Variants in FBXL20 observed in about 807,000 individuals in gnomAD.
The protein encoded by FBXL20 is F-box/LRR-repeat protein 20.
FBXL20 carries 11 observed loss-of-function variants against 64.0 expected under a neutral mutation model. That is an observed-to-expected ratio of 0.17 (90% CI 0.11 to 0.28). The LOEUF is 0.28. Among genes scored for constraint, FBXL20 ranks in the 10% least tolerant of loss-of-function variants. FBXL20 has a pLI of 1.00. For missense variants in FBXL20, 303 were observed against 526.2 expected (o/e 0.58, Z 4.15); for synonymous variants, 184 against 189.0 (o/e 0.97, Z 0.22).
At chr17:39,313,794 C>T (rs1234154908) in intron 2 of FBXL20, among the ~76,000 whole-genome samples, 2 of 152,090 alleles carry the variant, frequency 1.3e-5, no homozygotes, top group African/African-American at 2.4e-5. Flanking sequence ...CGCCACCATA[C>T]CCAGCTAATT....
At chr17:39,327,754 G>A (rs986698830) in intron 2 of FBXL20, among the ~76,000 whole-genome samples, 3 of 151,990 alleles carry the variant, frequency 2.0e-5, no homozygotes, top group Non-Finnish European at 2.9e-5. Flanking sequence ...AGGCTGTAGT[G>A]CAGTGGCACA....
At chr17:39,271,785 C>T (rs1348846263) in intron 10 of FBXL20, among the ~76,000 whole-genome samples, 3 of 152,064 alleles carry the variant, frequency 2.0e-5, no homozygotes, top group African/African-American at 4.8e-5. Flanking sequence ...AAACTCCAAT[C>T]TAAATACCAA....
chr17:39,333,199 G>A (rs142137266), intron 2 of FBXL20, among the ~76,000 whole-genome samples: 5,509 of 152,160 alleles, frequency 0.036, 146 homozygotes, highest in Non-Finnish European at 0.058. Context: ...ATGCCCAGCC[G>A]AGGCTGGACT....
chr17:39,356,346 A>G (rs1231171504), intron 1 of FBXL20, among the ~76,000 whole-genome samples: 2 of 151,996 alleles, frequency 1.3e-5, no homozygotes, highest in African/African-American at 2.4e-5. Context: ...CAGATATACA[A>G]TTGTTTCACC....
intron 1 of FBXL20, among the ~76,000 whole-genome samples, chr17:39,386,175 T>C (rs1049561098): frequency 6.7e-6 from 1 of 148,368 alleles, no homozygotes; most frequent in Non-Finnish European, 1.5e-5. Context: ...AACCCGGTGG[T>C]ACGTGCCTGT....
At chr17:39,296,232 C>T (rs989661327) in intron 6 of FBXL20, among the ~76,000 whole-genome samples, 1 of 152,042 alleles carries the variant, frequency 6.6e-6, no homozygotes, top group Non-Finnish European at 1.5e-5. Context: ...TTTCATCTCT[C>T]ACAGTAAACG....
rs573891977 is a variant in FBXL20 at position 39,329,915 on chromosome 17, G to A, written c.104+13265C>T. ...AGGCTGGAATGGGAGAATTGCTTGA[G>A]TCCAGGAGTTTGAGGCTGCAGCAAA... On this transcript the variant is annotated intron_variant, in intron 2 of 14. Transcript: ENST00000264658. 3.9e-5 allele frequency among the ~76,000 whole-genome samples: 6 copies of A among 152,226 alleles called. No homozygotes were observed. The East Asian group carries it at 1.2e-3, about 29-fold the overall frequency.
chr17:39,333,674 G>A (rs569762290), intron 2 of FBXL20, among the ~76,000 whole-genome samples: 25 of 151,530 alleles, frequency 1.6e-4, no homozygotes, highest in East Asian at 1.4e-3. Flanking sequence ...GCCTCTTCCC[G>A]GCCGTCATCC....
intron 1 of FBXL20, among the ~76,000 whole-genome samples, chr17:39,392,029 C>G (rs547654305): frequency 6.6e-6 from 1 of 151,896 alleles, no homozygotes; most frequent in African/African-American, 2.4e-5. Flanking sequence ...TCCCAGCTAT[C>G]GGGAGGCTGA....
intron 7 of FBXL20, 126 bp from the exon 8 acceptor site, chr17:39,282,981 A>G: frequency 2.0e-6 from 2 of 1,014,586 alleles, no homozygotes; most frequent in African/African-American, 1.6e-5. Flanking sequence ...AAGAAAAAAC[A>G]TATTTACCTA....
At position 39,258,351 on chromosome 17, in the gene FBXL20, T is replaced by C. The variant is rs2046713197; in HGVS notation, c.*3109A>G. 6.6e-6 allele frequency: 1 copy of C among 152,252 alleles called. No homozygotes were observed. The highest frequency in any genetic ancestry group is 2.1e-4 in the South Asian group (1 of 4,834). The allele number at this position is 152,252 out of a possible 1,614,324, so 9.4% of individuals were successfully genotyped here. A position where few individuals can be genotyped will look rare whatever the true frequency, so the allele number is the denominator to read the frequency against. On this transcript the variant is annotated 3_prime_UTR_variant, in exon 15 of 15. Coordinates refer to ENST00000264658, the MANE Select transcript of FBXL20 (RefSeq NM_032875.3). ...GTCCTAGCATATTCATCAGCTGGTG[T>C]AGGCTGCAAATCAGCATAAAAAAAT... is the stretch of plus-strand genomic sequence containing the variant.
intron 2 of FBXL20, among the ~76,000 whole-genome samples, chr17:39,310,473 G>A (rs1335072055): frequency 1.3e-5 from 2 of 152,068 alleles, no homozygotes; most frequent in African/African-American, 4.8e-5. Context: ...GTGCATTAAA[G>A]CCAGCACAGG....
intron 1 of FBXL20, 135 bp downstream of exon 1, chr17:39,401,226 A>G (rs1384492562): frequency 1.3e-6 from 2 of 1,532,014 alleles, no homozygotes; most frequent in African/African-American, 2.8e-5. Flanking sequence ...AAGAAAGGGG[A>G]GCGGAGTCTG....
intron 12 of FBXL20, among the ~76,000 whole-genome samples, chr17:39,268,331 C>G (rs1339265852): frequency 6.6e-6 from 1 of 151,900 alleles, no homozygotes; most frequent in Non-Finnish European, 1.5e-5. Flanking sequence ...CCAGCCTGGG[C>G]AACAACAGTG....
chr17:39,333,428 G>A (rs2047484558), intron 2 of FBXL20, among the ~76,000 whole-genome samples: 1 of 152,250 alleles, frequency 6.6e-6, no homozygotes, highest in African/African-American at 2.4e-5. Flanking sequence ...ACTGCAGACA[G>A]AGTGTCGCTC....
At position 39,253,230 on chromosome 17, in the gene FBXL20, G is replaced by A. The variant is rs918194274; in HGVS notation, c.*8230C>T. ...TCCCTGAGCAGAGTCTGACAGGCAT[G>A]GGTAGTCCTCACAGTTCTCTGAGCT... On this transcript the variant is annotated 3_prime_UTR_variant, in exon 15 of 15. Coordinates refer to ENST00000264658, the MANE Select transcript of FBXL20 (RefSeq NM_032875.3). The A allele has an allele frequency of 6.6e-6, 1 of 152,382 alleles. No homozygotes were observed. The highest frequency in any genetic ancestry group is 2.4e-5 in the African/African-American group (1 of 41,432). The allele number at this position is 152,382 out of a possible 1,614,324, so 9.4% of individuals were successfully genotyped here.
intron 2 of FBXL20, among the ~76,000 whole-genome samples, chr17:39,325,133 G>A (rs2144523635): frequency 6.6e-6 from 1 of 152,266 alleles, no homozygotes; most frequent in East Asian, 1.9e-4. Context: ...ACCTGACCCT[G>A]GGAAGCTGAG....
intron 1 of FBXL20, among the ~76,000 whole-genome samples, chr17:39,384,560 A>C (rs1156697809): frequency 6.6e-6 from 1 of 151,846 alleles, no homozygotes; most frequent in Non-Finnish European, 1.5e-5. Flanking sequence ...TAAAATTTAT[A>C]TATAATTTGT....
chr17:39,379,734 T>C lies in FBXL20; in HGVS notation c.42+21627A>G, dbSNP rs542028718. 8.5e-5 allele frequency among the ~76,000 whole-genome samples: 13 copies of C among 152,188 alleles called. No individual in the cohort carries two copies. In the South Asian group the frequency reaches 1.9e-3, roughly 22 times the overall value. ...AGTTTGAGCCTGCAGTGAGCTATGA[T>C]TGTACCACTGCAATCCAGCCTGGAC... On this transcript the variant is annotated intron_variant, in intron 1 of 14. Coordinates refer to ENST00000264658, the MANE Select transcript of FBXL20 (RefSeq NM_032875.3).
Sources: allele counts gnomAD v4.1 joint callset (sites outside exome capture counted in the v4.1 genomes callset), GRCh38; gene constraint gnomAD v4.1.1; transcripts MANE v1.5; gene names NCBI Gene and HGNC (gene_info 2026-07-23, HGNC 2026-07-21).